Variants in CDH13 observed in about 807,000 individuals in gnomAD.
The protein encoded by CDH13 is cadherin 13.
Under a neutral mutation model 63.8 loss-of-function variants are expected in CDH13, and 24 were observed. That is an observed-to-expected ratio of 0.38 (90% CI 0.27 to 0.53). The LOEUF (loss-of-function observed/expected upper bound fraction) is 0.53, where lower values mean the gene tolerates loss of function less well. Among genes scored for constraint, CDH13 ranks in the 20% least tolerant of loss-of-function variants. The pLI, the probability that CDH13 is intolerant of heterozygous loss-of-function variation, is 0.85. For synonymous variants in CDH13, 503 were observed against 355.3 expected (o/e 1.42, Z -4.67); for missense variants, 1,049 against 903.1 (o/e 1.16, Z -2.07).
At chr16:82,932,229 C>G (rs1487179874) in intron 2 of CDH13, among the ~76,000 whole-genome samples, 4 of 152,042 alleles carry the variant, frequency 2.6e-5, no homozygotes, top group African/African-American at 7.2e-5. Context: ...GTGTGTCCTG[C>G]CCAACATTGA....
At chr16:83,283,081 T>C (rs1307168794) in intron 5 of CDH13, among the ~76,000 whole-genome samples, 1 of 152,216 alleles carries the variant, frequency 6.6e-6, no homozygotes, top group East Asian at 1.9e-4. Context: ...ATGATGGGGC[T>C]GCTCAATAAA....
chr16:83,442,992 T>G (rs1219452534), intron 6 of CDH13, among the ~76,000 whole-genome samples: 2 of 152,208 alleles, frequency 1.3e-5, no homozygotes, highest in Non-Finnish European at 2.9e-5. Flanking sequence ...TTAGTGAGAT[T>G]GAACTCTCAA....
chr16:82,781,705 C>T (rs2035762930), intron 1 of CDH13, among the ~76,000 whole-genome samples: 1 of 152,202 alleles, frequency 6.6e-6, no homozygotes, highest in South Asian at 2.1e-4. Context: ...CCCTCTCATC[C>T]ATCAATATAG....
chr16:82,970,524 C>T lies in CDH13; in HGVS notation c.158-61486C>T, dbSNP rs539957618. Among the ~76,000 whole-genome samples, 934 of 143,118 alleles carry T rather than the reference C, an allele frequency of 6.5e-3. 44 individuals carry two copies. Among genetic ancestry groups the T allele is most frequent in the African/African-American group, 0.022 (879 of 40,154 alleles). The allele number at this position is 143,118 out of a possible 152,430, so 93.9% of individuals were successfully genotyped here. ...ACGCCATTCTCCTGCCTCAGCCTCC[C>T]GAGTAGCTGGGACTACAGGCGCCCG... On this transcript the variant is annotated intron_variant, in intron 2 of 13. Coordinates refer to ENST00000567109, the MANE Select transcript of CDH13 (RefSeq NM_001257.5).
At chr16:82,803,776 G>C (rs1234174788) in intron 1 of CDH13, among the ~76,000 whole-genome samples, 1 of 151,842 alleles carries the variant, frequency 6.6e-6, no homozygotes. Flanking sequence ...AAAATAGTCA[G>C]ACTAATAGAA....
chr16:82,966,548 C>G (rs1231835203), intron 2 of CDH13, among the ~76,000 whole-genome samples: 1 of 152,208 alleles, frequency 6.6e-6, no homozygotes, highest in Non-Finnish European at 1.5e-5. Flanking sequence ...ACATTCCGAT[C>G]CAGATTGCTC....
chr16:82,856,329 C>T (rs2039685888), intron 1 of CDH13, among the ~76,000 whole-genome samples: 1 of 143,252 alleles, frequency 7.0e-6, no homozygotes, highest in Non-Finnish European at 1.5e-5. Flanking sequence ...GAGCAGAGAT[C>T]ATGCCACTGC....
intron 2 of CDH13, among the ~76,000 whole-genome samples, chr16:82,866,679 C>A (rs573274204): frequency 6.6e-6 from 1 of 152,016 alleles, no homozygotes; most frequent in African/African-American, 2.4e-5. Flanking sequence ...ATAAGAGGTT[C>A]AATTGACTCA....
chr16:83,522,655 G>C (rs896959149), intron 7 of CDH13, among the ~76,000 whole-genome samples: 5 of 152,194 alleles, frequency 3.3e-5, no homozygotes, highest in Admixed American at 3.3e-4. Flanking sequence ...TTAAACACCT[G>C]CAGCGTCATT....
intron 1 of CDH13, chr16:82,829,782 A>G (rs1482404252): frequency 6.6e-6 from 1 of 152,180 alleles, no homozygotes; most frequent in Non-Finnish European, 1.5e-5. Flanking sequence ...TTCCCTGGCA[A>G]GCACAAATAA....
At chr16:82,957,197 C>G in intron 2 of CDH13, among the ~76,000 whole-genome samples, 1 of 152,178 alleles carries the variant, frequency 6.6e-6, no homozygotes, top group East Asian at 1.9e-4. Context: ...GCATCTACCA[C>G]CTCTCCTCAT....
intron 1 of CDH13, among the ~76,000 whole-genome samples, chr16:82,631,504 G>T (rs1198119489): frequency 6.6e-6 from 1 of 152,224 alleles, no homozygotes; most frequent in African/African-American, 2.4e-5. Context: ...CAGTGGTTTT[G>T]GCATTGTTTC....
intron 2 of CDH13, among the ~76,000 whole-genome samples, chr16:82,947,571 T>A (rs1002399542): frequency 6.6e-6 from 1 of 152,184 alleles, no homozygotes; most frequent in African/African-American, 2.4e-5. Flanking sequence ...CAAAATTAAG[T>A]AAATTTTACA....
At chr16:83,532,913 C>G (rs1297554246) in intron 7 of CDH13, among the ~76,000 whole-genome samples, 2 of 152,238 alleles carry the variant, frequency 1.3e-5, no homozygotes, top group Non-Finnish European at 2.9e-5. Flanking sequence ...TCCCCTGCAT[C>G]TGAGCAGCGT....
chr16:83,548,616 A>G (rs552386244), intron 7 of CDH13, among the ~76,000 whole-genome samples: 6 of 152,306 alleles, frequency 3.9e-5, no homozygotes, highest in Admixed American at 1.3e-4. Context: ...TACAAGGGGT[A>G]TGTGGTGTCA....
intron 13 of CDH13, among the ~76,000 whole-genome samples, chr16:83,791,087 G>T (rs1006719105): frequency 6.6e-6 from 1 of 152,124 alleles, no homozygotes; most frequent in Non-Finnish European, 1.5e-5. Context: ...GGAGACTGAG[G>T]TGGGTGGATT....
At chr16:82,700,225 C>A (rs1330279323) in intron 1 of CDH13, among the ~76,000 whole-genome samples, 1 of 152,178 alleles carries the variant, frequency 6.6e-6, no homozygotes, top group Admixed American at 6.5e-5. Context: ...AATGTGCATA[C>A]TGAATTTCCA....
At chr16:83,295,174 A>G (rs2089562046) in intron 5 of CDH13, among the ~76,000 whole-genome samples, 1 of 152,188 alleles carries the variant, frequency 6.6e-6, no homozygotes, top group Non-Finnish European at 1.5e-5. Flanking sequence ...CCGCATATCC[A>G]TATGCAGAAG....
intron 1 of CDH13, among the ~76,000 whole-genome samples, chr16:82,846,301 T>C (rs1271414193): frequency 3.3e-5 from 5 of 152,058 alleles, no homozygotes; most frequent in Non-Finnish European, 7.4e-5. Flanking sequence ...ATTTCCACAA[T>C]ACTTTATACA....
Sources: gnomAD v4.1 joint callset for allele counts (sites outside exome capture counted in the v4.1 genomes callset) on GRCh38, gnomAD v4.1.1 for gene constraint, MANE v1.5 for transcripts, NCBI Gene and HGNC (gene_info 2026-07-23, HGNC 2026-07-21) for gene names.